RPH3A: variants seen among roughly 807,000 people sequenced by gnomAD.
RPH3A encodes the protein rabphilin-3A.
RPH3A carries 48 observed loss-of-function variants against 102.2 expected under a neutral mutation model. The observed-to-expected ratio is 0.47, with a 90% CI of 0.37 to 0.60. RPH3A has a LOEUF of 0.60. RPH3A is among the 20% of genes least tolerant of loss of function. RPH3A has a pLI of 0.00. For missense variants in RPH3A, 781 were observed against 910.1 expected (o/e 0.86, Z 1.83); for synonymous variants, 310 against 324.3 (o/e 0.96, Z 0.47).
intron 2 of RPH3A, among the ~76,000 whole-genome samples, chr12:112,810,649 A>C (rs564489471): frequency 3.9e-4 from 59 of 152,314 alleles, no homozygotes; most frequent in Non-Finnish European, 7.1e-4. Flanking sequence ...AAGCTGGCCC[A>C]AAAACAACCC....
chr12:112,583,867 T>G (rs1036112008), intron 1 of RPH3A, among the ~76,000 whole-genome samples: 1 of 152,014 alleles, frequency 6.6e-6, no homozygotes, highest in Non-Finnish European at 1.5e-5. Flanking sequence ...ATGCCTGTAG[T>G]CCCAACTACT....
intron 1 of RPH3A, among the ~76,000 whole-genome samples, chr12:112,775,483 C>T (rs2040960050): frequency 6.6e-6 from 1 of 152,170 alleles, no homozygotes; most frequent in Non-Finnish European, 1.5e-5. Flanking sequence ...TAGAATTCAA[C>T]TACTCTAAGA....
At chr12:112,688,283 A>C (rs1301656464) in intron 1 of RPH3A, among the ~76,000 whole-genome samples, 1 of 152,138 alleles carries the variant, frequency 6.6e-6, no homozygotes, top group Non-Finnish European at 1.5e-5. Context: ...ATTATGTCAA[A>C]ATGTTGTGTA....
In RPH3A at chr12:112,821,169, C is replaced by T. The variant is rs1053451881; in HGVS notation, c.-18-7132C>T. Among the ~76,000 whole-genome samples the T allele has an allele frequency of 9.8e-5, 15 of 152,340 alleles. No individual in the cohort carries two copies. The South Asian group carries it at 2.3e-3, about 23-fold the overall frequency. On this transcript the variant is annotated intron_variant, in intron 2 of 21. Coordinates refer to ENST00000389385, the MANE Select transcript of RPH3A (RefSeq NM_001143854.2). ...AGGCGGGCAGGCAAGTGAAGGGGCACTCGGCTCCATCAAGCACAGTAGACA... is the reference window on the plus strand; with the variant it reads ...AGGCGGGCAGGCAAGTGAAGGGGCATTCGGCTCCATCAAGCACAGTAGACA...
chr12:112,836,483 T>C lies in RPH3A; in HGVS notation c.72-8T>C. 7.5e-7 allele frequency: 1 copy of C among 1,337,130 alleles called. No homozygotes were observed. The allele number at this position is 1,337,130 out of a possible 1,614,324, so 82.8% of individuals were successfully genotyped here. On this transcript the variant is annotated splice_polypyrimidine_tract_variant and splice_region_variant and intron_variant, in intron 3 of 21. Transcript: ENST00000389385. The stretch of plus-strand genomic sequence containing the variant: ...TTTTCTTTCTCTCCTTTCTCTGCCT[T>C]CCTTCAGTGATAAAGAACAGTGAGT...
At chr12:112,673,316 T>C (rs2040148502) in intron 1 of RPH3A, among the ~76,000 whole-genome samples, 1 of 152,158 alleles carries the variant, frequency 6.6e-6, no homozygotes, top group East Asian at 1.9e-4. Context: ...TTTCCCTTTT[T>C]ACTTTACATT....
At chr12:112,649,028 A>C (rs1027193487) in intron 1 of RPH3A, among the ~76,000 whole-genome samples, 2 of 152,212 alleles carry the variant, frequency 1.3e-5, no homozygotes. Context: ...TATGCTGACC[A>C]GATTGGTCTC....
intron 1 of RPH3A, among the ~76,000 whole-genome samples, chr12:112,756,619 A>G (rs1381779647): frequency 1.3e-5 from 2 of 152,230 alleles, no homozygotes; most frequent in Admixed American, 6.5e-5. Context: ...AAAACTCTAT[A>G]GAATACTATT....
intron 15 of RPH3A, 44 bp downstream of exon 15, chr12:112,881,890 C>T (rs371576905): frequency 2.7e-6 from 4 of 1,503,886 alleles, no homozygotes; most frequent in Admixed American, 1.8e-5. Context: ...GTGCATGGGC[C>T]CTGGCAGATA....
At position 112,678,324 on chromosome 12, in the gene RPH3A, A is replaced by AG. The variant is rs2040201378; in HGVS notation, c.-140+103006dup. Among the ~76,000 whole-genome samples the AG allele has an allele frequency of 3.6e-4, 17 of 47,442 alleles. 3 individuals are homozygous for AG. The highest frequency in any genetic ancestry group is 3.4e-4 in the African/African-American group (5 of 14,552). The allele number at this position is 47,442 out of a possible 152,430, so 31.1% of individuals were successfully genotyped here. A position where few individuals can be genotyped will look rare whatever the true frequency, so the allele number is the denominator to read the frequency against. ...AAGAAAGAGAGAGAGAGAGAAAGAA[A>AG]GAAAGAAGGAAGGAAGGAAGGAAGG... On this transcript the variant is annotated intron_variant, in intron 1 of 21. Transcript: ENST00000543106.
intron 1 of RPH3A, among the ~76,000 whole-genome samples, chr12:112,780,461 G>C (rs146863681): frequency 6.7e-6 from 1 of 149,724 alleles, no homozygotes; most frequent in East Asian, 2.0e-4. Flanking sequence ...AAACTTACCT[G>C]TCCTGTATCC....
intron 1 of RPH3A, among the ~76,000 whole-genome samples, chr12:112,772,131 C>T (rs2040930981): frequency 6.6e-6 from 1 of 152,136 alleles, no homozygotes; most frequent in Admixed American, 6.5e-5. Context: ...CTTACTTGCC[C>T]TTCCCTCTTT....
chr12:112,725,784 G>A (rs1171984611), intron 1 of RPH3A, among the ~76,000 whole-genome samples: 3 of 149,482 alleles, frequency 2.0e-5, no homozygotes, highest in Non-Finnish European at 4.4e-5. Flanking sequence ...TGTTGTTGTT[G>A]TTGTTGTTGT....
chr12:112,823,021 G>A (rs948582955), intron 2 of RPH3A, among the ~76,000 whole-genome samples: 10 of 152,216 alleles, frequency 6.6e-5, no homozygotes, highest in Admixed American at 1.3e-4. Context: ...TTTTGAAGTT[G>A]CAGCTGCAGG....
chr12:112,755,378 C>T (rs906715736), intron 1 of RPH3A, among the ~76,000 whole-genome samples: 2 of 151,136 alleles, frequency 1.3e-5, no homozygotes, highest in South Asian at 2.1e-4. Context: ...CATATGTGTC[C>T]GTTTAAGTAC....
chr12:112,654,360 T>C (rs1401384548), intron 1 of RPH3A, among the ~76,000 whole-genome samples: 1 of 152,180 alleles, frequency 6.6e-6, no homozygotes, highest in Non-Finnish European at 1.5e-5. Flanking sequence ...GTGAATTTTC[T>C]TGGGGATTCT....
Position 112,756,576 on chromosome 12 carries a change from T to C in RPH3A, c.-139-35567T>C, listed in dbSNP as rs1421228761. On this transcript the variant is annotated intron_variant, in intron 1 of 21. Coordinates refer to the RPH3A transcript ENST00000543106. ...CACTCTACACCATAAATATGTACAA[T>C]TATGATATCTAAATTAAACATAATA... is the stretch of plus-strand genomic sequence containing the variant. 2.0e-5 allele frequency among the ~76,000 whole-genome samples: 3 copies of C among 152,236 alleles called. No homozygotes were observed. The East Asian group carries it at 5.8e-4, about 29-fold the overall frequency.
chr12:112,799,510 A>G (rs909103013), intron 2 of RPH3A, among the ~76,000 whole-genome samples: 2 of 152,156 alleles, frequency 1.3e-5, no homozygotes, highest in South Asian at 2.1e-4. Context: ...AAAGCCAAAG[A>G]TTCAGCTTTC....
intron 1 of RPH3A, among the ~76,000 whole-genome samples, chr12:112,666,598 C>A (rs531688079): frequency 1.3e-5 from 2 of 152,208 alleles, no homozygotes; most frequent in South Asian, 4.1e-4. Flanking sequence ...TTGTCAGCTG[C>A]AAGTTTTTTT....
Sources: gnomAD v4.1 joint callset for allele counts (sites outside exome capture counted in the v4.1 genomes callset) on GRCh38, gnomAD v4.1.1 for gene constraint, MANE v1.5 for transcripts, NCBI Gene and HGNC (gene_info 2026-07-23, HGNC 2026-07-21) for gene names.